The following PDS5A variants were observed in gnomAD, a reference collection of about 807,000 sequenced individuals.
PDS5A encodes PDS5 cohesin associated factor A.
Under a neutral mutation model 167.1 loss-of-function variants are expected in PDS5A, and 42 were observed. The observed-to-expected ratio is 0.25, with a 90% confidence interval of 0.20 to 0.33. The LOEUF (loss-of-function observed/expected upper bound fraction) is 0.33. PDS5A is among the 10% of genes least tolerant of loss of function. PDS5A has a pLI of 1.00. For synonymous variants in PDS5A, 553 were observed against 554.6 expected (o/e 1.00, Z 0.04); for missense variants, 1,033 against 1,605.9 (o/e 0.64, Z 6.10).
chr4:39,853,539 C>T (rs1450763726), intron 26 of PDS5A, among the ~76,000 whole-genome samples: 1 of 152,148 alleles, frequency 6.6e-6, no homozygotes, highest in Non-Finnish European at 1.5e-5. Context: ...CATTTAGAAA[C>T]CTAAGTCATT....
intron 2 of PDS5A, among the ~76,000 whole-genome samples, chr4:39,954,472 C>A (rs1447800573): frequency 2.0e-5 from 3 of 151,990 alleles, no homozygotes; most frequent in Non-Finnish European, 2.9e-5. Context: ...GCATGTGCCA[C>A]CACCCTCGGC....
intron 16 of PDS5A, chr4:39,898,186 A>AG: frequency 7.9e-7 from 1 of 1,258,242 alleles, no homozygotes; most frequent in Non-Finnish European, 1.0e-6. Context: ...TCCCTGGCTT[A>AG]GTTCTTTAGT....
rs1356865877 is a variant in PDS5A, at chr4:39,904,196, A to C, written c.1234-5T>G. The C allele has an allele frequency of 6.3e-7, 1 of 1,596,314 alleles. No homozygotes were observed. The highest frequency in any genetic ancestry group is 1.1e-5 in the South Asian group (1 of 87,870). On this transcript the variant is annotated splice_region_variant and splice_polypyrimidine_tract_variant and intron_variant, in intron 11 of 32. Coordinates refer to ENST00000303538, the MANE Select transcript of PDS5A (RefSeq NM_001100399.2). ...AGCTTCTTTTCTTACTCGCCACTAA[A>C]AAGCATAAAATTTATTAGATGAGCA...
chr4:39,921,168 T>C (rs546990432), intron 6 of PDS5A, among the ~76,000 whole-genome samples: 84 of 152,288 alleles, frequency 5.5e-4, no homozygotes, highest in African/African-American at 1.9e-3. Flanking sequence ...GTAAATATTT[T>C]AGGTTTTGTG....
Position 39,862,924 on chromosome 4 carries a change from T to C in PDS5A, c.2916A>G (p.Leu972=). 1.2e-6 allele frequency: 2 copies of C among 1,613,116 alleles called. No individual in the cohort carries two copies. The highest frequency in any genetic ancestry group is 1.7e-5 in the Admixed American group (1 of 60,016). The change falls in exon 25 of 33, where the codon TTA becomes TTG. Residue 972 remains leucine, a synonymous_variant. Transcript: ENST00000303538. ...KERRAHARQC[L]LKNISIRREY... ...CCCTGCGTATACTGATATTTTTCAG[T>C]AAACATTGTCGTGCGTGTGCTCTTC...
rs1247310353 is a variant in PDS5A, at chr4:39,867,767, CACACACA to C, written c.2506-777_2506-771del. On this transcript the variant is annotated intron_variant, in intron 22 of 32. Coordinates refer to ENST00000303538, the MANE Select transcript of PDS5A (RefSeq NM_001100399.2). ...ACACACACACACACACACACACACA[CACACACA>C]CCCCACAACTGTACTGATTGTGGTG... Among the ~76,000 whole-genome samples the C allele has an allele frequency of 6.8e-3, 879 of 129,136 alleles. 6 individuals are homozygous for C. The highest frequency in any genetic ancestry group is 0.019 in the African/African-American group (715 of 38,594). 84.7% of individuals were successfully genotyped at this position (129,136 alleles called of 152,430 possible). A position where few individuals can be genotyped will look rare whatever the true frequency, so the allele number is the denominator to read the frequency against.
chr4:39,940,210 C>G (rs1299158854), intron 2 of PDS5A, among the ~76,000 whole-genome samples: 2 of 151,846 alleles, frequency 1.3e-5, no homozygotes, highest in African/African-American at 4.8e-5. Flanking sequence ...CAGAGCGAGA[C>G]CCTGTCTGGA....
intron 26 of PDS5A, among the ~76,000 whole-genome samples, chr4:39,858,950 C>A (rs562810036): frequency 1.2e-4 from 18 of 152,036 alleles, no homozygotes; most frequent in African/African-American, 4.1e-4. Flanking sequence ...ACTGTATAGG[C>A]AACAAAAGAA....
At chr4:39,873,272 A>G in intron 20 of PDS5A, 128 bp from the exon 21 acceptor site, 1 of 447,686 alleles carries the variant, frequency 2.2e-6, no homozygotes, top group Admixed American at 4.3e-5. Context: ...TAATACGATC[A>G]TAACTAACTT....
At chr4:39,905,582 C>A (rs1265226534) in intron 11 of PDS5A, among the ~76,000 whole-genome samples, 1 of 151,872 alleles carries the variant, frequency 6.6e-6, no homozygotes, top group African/African-American at 2.4e-5. Context: ...AAACAAAAAA[C>A]TGACCAACTA....
chr4:39,949,798 C>A (rs746057466), intron 2 of PDS5A, among the ~76,000 whole-genome samples: 1 of 90,942 alleles, frequency 1.1e-5, no homozygotes, highest in Non-Finnish European at 2.0e-5. Flanking sequence ...CCAGCCAGGG[C>A]GACAGAATAA....
intron 12 of PDS5A, among the ~76,000 whole-genome samples, chr4:39,903,335 C>CTTGTACCTA (rs1301828719): frequency 1.3e-5 from 2 of 152,160 alleles, no homozygotes; most frequent in African/African-American, 4.8e-5. Flanking sequence ...GTACCTATTG[C>CTTGTACCTA]TTGTATCTTC....
At chr4:39,903,747 C>T (rs1166904238) in intron 12 of PDS5A, among the ~76,000 whole-genome samples, 2 of 152,084 alleles carry the variant, frequency 1.3e-5, no homozygotes, top group African/African-American at 2.4e-5. Context: ...TGTAAGAATA[C>T]ACATCTAATA....
Position 39,917,038 on chromosome 4 carries a change from T to G in PDS5A, c.876+10A>C, listed in dbSNP as rs761888658. The G allele has an allele frequency of 3.5e-6, 5 of 1,411,688 alleles. No individual in the cohort carries two copies. The highest frequency in any genetic ancestry group is 3.7e-6 in the Non-Finnish European group (4 of 1,077,248). 87.4% of individuals were successfully genotyped at this position (1,411,688 alleles called of 1,614,324 possible). A position where few individuals can be genotyped will look rare whatever the true frequency, so the allele number is the denominator to read the frequency against. On this transcript the variant is annotated intron_variant, in intron 8 of 32. Transcript: ENST00000303538. ...ATTAAAAAAAAAAAAAGAAAACTGG[T>G]CAATCTTACCTTTAGTTTGAATTCA...
At chr4:39,966,365 A>C (rs1051251734) in intron 2 of PDS5A, among the ~76,000 whole-genome samples, 2 of 152,172 alleles carry the variant, frequency 1.3e-5, no homozygotes, top group African/African-American at 4.8e-5. Flanking sequence ...CCTGCCCTTA[A>C]TCTGTTCATC....
intron 11 of PDS5A, among the ~76,000 whole-genome samples, chr4:39,907,987 G>A (rs1157731749): frequency 6.6e-6 from 1 of 152,136 alleles, no homozygotes; most frequent in South Asian, 2.1e-4. Context: ...ATATGTAAAC[G>A]TCACTTTCTT....
At chr4:39,874,575 C>T (rs1720311634) in intron 19 of PDS5A, among the ~76,000 whole-genome samples, 163 bp from the exon 20 acceptor site, 1 of 151,994 alleles carries the variant, frequency 6.6e-6, no homozygotes, top group African/African-American at 2.4e-5. Flanking sequence ...CATCTCTGCC[C>T]CCAAGTATAA....
At chr4:39,891,321 A>G (rs938836377) in intron 16 of PDS5A, among the ~76,000 whole-genome samples, 1 of 150,958 alleles carries the variant, frequency 6.6e-6, no homozygotes, top group Admixed American at 6.6e-5. Flanking sequence ...GGCATGAGCC[A>G]CTGTGCCTGG....
Position 39,832,321 on chromosome 4 carries a change from C to T in PDS5A, c.4010+5535G>A, listed in dbSNP as rs142617162. On this transcript the variant is annotated intron_variant, in intron 32 of 32. Coordinates refer to ENST00000303538, the MANE Select transcript of PDS5A (RefSeq NM_001100399.2). ...CTCCGCCCCCTGGGTTCATGCCATT[C>T]TCCTGCCTCAGCCTCCCGAGTAGCT... 5.2e-3 allele frequency among the ~76,000 whole-genome samples: 787 copies of T among 151,624 alleles called. 7 individuals carry two copies. Among genetic ancestry groups the T allele is most frequent in the African/African-American group, 0.018 (758 of 41,342 alleles).
Sources: allele counts gnomAD v4.1 joint callset (sites outside exome capture counted in the v4.1 genomes callset), GRCh38; gene constraint gnomAD v4.1.1; transcripts MANE v1.5; gene names NCBI Gene and HGNC (gene_info 2026-07-23, HGNC 2026-07-21).